The following PCID2 variants were observed in gnomAD, a reference collection of about 807,000 sequenced individuals.
PCID2 encodes PCI domain containing 2, also known as PCI domain-containing protein 2.
A neutral mutation model predicts 61.3 loss-of-function variants in PCID2; 41 were observed. The ratio of observed to expected loss-of-function variants is 0.67; its 90% CI spans 0.52 to 0.87. The LOEUF is 0.87. Among genes scored for constraint, PCID2 ranks in the 40% least tolerant of loss-of-function variants. The pLI is 0.00. For missense variants in PCID2, 392 were observed against 493.4 expected (o/e 0.79, Z 1.95); for synonymous variants, 187 against 177.8 (o/e 1.05, Z -0.41).
intron 7 of PCID2, among the ~76,000 whole-genome samples, chr13:113,189,236 C>A (rs2038388958): frequency 6.6e-6 from 1 of 152,140 alleles, no homozygotes; most frequent in Non-Finnish European, 1.5e-5. Context: ...GAGGCCTCAC[C>A]AGAAGCAGAT....
chr13:113,182,114 C>G (rs1456306088), intron 9 of PCID2, among the ~76,000 whole-genome samples: 2 of 152,178 alleles, frequency 1.3e-5, no homozygotes, highest in African/African-American at 4.8e-5. Context: ...TATAAGAGAA[C>G]AGAGATGCTC....
chr13:113,171,958 G>A, the PCID2 span: 3 of 1,613,484 alleles, frequency 1.9e-6, no homozygotes, highest in East Asian at 2.2e-5. This position sits in a 1 kb window ranked among gnomAD's most constrained non-coding sequence, Gnocchi z 5.1. Flanking sequence ...TGCACTGGAT[G>A]GATGGAAGTG....
chr13:113,181,590 A>G (rs1403668909), intron 9 of PCID2, among the ~76,000 whole-genome samples: 2 of 152,212 alleles, frequency 1.3e-5, no homozygotes, highest in African/African-American at 4.8e-5. Flanking sequence ...ATAAAGACAT[A>G]TTTAAAAATG....
the PCID2 span, among the ~76,000 whole-genome samples, chr13:113,166,763 G>A: frequency 3.3e-5 from 5 of 152,302 alleles, no homozygotes; most frequent in South Asian, 6.2e-4. Flanking sequence ...GCTGAGGGTC[G>A]GTACTTGGGA....
Position 113,208,597 on chromosome 13 carries a change from A to G in PCID2, c.36+2T>C, listed in dbSNP as rs1177575074. ...GCCGCGCGCTCCCCGGCTAGGACCC[A>G]CCTGCTGCAGGTACTGGTTAATGGT... On this transcript the variant is annotated splice_donor_variant, in intron 1 of 13. Transcript: ENST00000337344. LOFTEE classifies it high-confidence loss of function. 3 of 1,604,798 alleles carry G rather than the reference A, an allele frequency of 1.9e-6. No individual in the cohort carries two copies. In the South Asian group the frequency reaches 3.3e-5, roughly 18 times the overall value.
Position 113,179,825 on chromosome 13 carries a change from T to C in PCID2, c.986+92A>G. 7.8e-7 allele frequency: 1 copy of C among 1,282,872 alleles called. No individual in the cohort carries two copies. Among genetic ancestry groups the C allele is most frequent in the Non-Finnish European group, 1.1e-6 (1 of 922,130 alleles). The allele number at this position is 1,282,872 out of a possible 1,614,324, so 79.5% of individuals were successfully genotyped here. The stretch of plus-strand genomic sequence containing the variant: ...GAAGATAACGACCCCACCCACACGG[T>C]GGCCTTCTCTCTTAGACTGCAACAG... On this transcript the variant is annotated intron_variant, in intron 12 of 13. Transcript: ENST00000337344. The surrounding 1 kb of genome is among the most constrained non-coding windows in gnomAD (Gnocchi z 4.3).
At chr13:113,197,975 C>T (rs1305209165) in intron 3 of PCID2, among the ~76,000 whole-genome samples, 1 of 152,188 alleles carries the variant, frequency 6.6e-6, no homozygotes, top group East Asian at 1.9e-4. Flanking sequence ...ACTAAGCAGG[C>T]ACTCTGCTAA....
intron 3 of PCID2, 75 bp from the exon 4 acceptor site, chr13:113,197,318 C>T: frequency 1.9e-6 from 2 of 1,026,624 alleles, no homozygotes; most frequent in South Asian, 1.3e-5. Context: ...CAGCTCACTT[C>T]ATTGCACAGG....
the PCID2 span, chr13:113,172,322 G>C: frequency 1.7e-6 from 1 of 604,964 alleles, no homozygotes; most frequent in Non-Finnish European, 2.9e-6. Context: ...TCTCAATAGA[G>C]ACCTTAAAAG....
chr13:113,180,997 AT>A, intron 10 of PCID2, 132 bp downstream of exon 10: 1 of 621,390 alleles, frequency 1.6e-6, no homozygotes, highest in Non-Finnish European at 2.9e-6. Flanking sequence ...CGCCTTCTTT[AT>A]TTTGGGGTGT....
chr13:113,181,111 TGGA>T lies in PCID2; in HGVS notation c.786+16_786+18del. On this transcript the variant is annotated intron_variant, in intron 10 of 13. Transcript: ENST00000337344. ...GTGAAAGCACCAGGATCTATAAACA[TGGA>T]GTAATAATCACTCACCAATAGCATT... is the stretch of plus-strand genomic sequence containing the variant. 1 of 1,477,226 alleles carries T rather than the reference TGGA, an allele frequency of 6.8e-7. No homozygotes were observed. The highest frequency in any genetic ancestry group is 1.4e-5 in the African/African-American group (1 of 72,370). 91.5% of individuals were successfully genotyped at this position (1,477,226 alleles called of 1,614,324 possible).
At chr13:113,184,745 G>A (rs542631690) in intron 8 of PCID2, among the ~76,000 whole-genome samples, 7 of 151,794 alleles carry the variant, frequency 4.6e-5, no homozygotes, top group Non-Finnish European at 5.9e-5. Context: ...TCCAGGGGGC[G>A]CAGCCCTGCA....
the PCID2 span, chr13:113,171,746 A>G: frequency 6.2e-7 from 1 of 1,611,998 alleles, no homozygotes; most frequent in Admixed American, 1.7e-5. The surrounding 1 kb of genome is among the most constrained non-coding windows in gnomAD (Gnocchi z 5.1). Context: ...CCCCGTGTGC[A>G]CCCCTGAGAA....
At chr13:113,165,076 A>G in the PCID2 span, 1 of 1,613,050 alleles carries the variant, frequency 6.2e-7, no homozygotes, top group Non-Finnish European at 8.5e-7. Flanking sequence ...CGGGGTGCTG[A>G]CCTCTGAGAA....
intron 5 of PCID2, 108 bp from the exon 6 acceptor site, chr13:113,195,233 C>T (rs1460253844): frequency 8.1e-6 from 6 of 737,870 alleles, no homozygotes; most frequent in African/African-American, 1.8e-5. Flanking sequence ...GAATGGAGTC[C>T]GCACTTATCC....
chr13:113,207,386 G>C (rs1265794792), intron 1 of PCID2, among the ~76,000 whole-genome samples: 4 of 152,134 alleles, frequency 2.6e-5, no homozygotes, highest in Non-Finnish European at 4.4e-5. Context: ...AAAGATAATC[G>C]TATCAAATTG....
At chr13:113,181,685 T>G (rs1235268104) in intron 9 of PCID2, among the ~76,000 whole-genome samples, 1 of 152,238 alleles carries the variant, frequency 6.6e-6, no homozygotes, top group Non-Finnish European at 1.5e-5. Context: ...AACATATAAT[T>G]AGTGATCATA....
intron 1 of PCID2, among the ~76,000 whole-genome samples, chr13:113,204,403 G>A (rs142509190): frequency 1.2e-3 from 190 of 152,348 alleles, no homozygotes; most frequent in African/African-American, 4.4e-3. Context: ...CAGTGGTCAC[G>A]AAGGGATCAA....
chr13:113,194,674 C>T (rs1280997876), intron 6 of PCID2, among the ~76,000 whole-genome samples: 2 of 152,188 alleles, frequency 1.3e-5, no homozygotes, highest in African/African-American at 2.4e-5. Context: ...CTCCCTTCAC[C>T]CCAGGGAAGC....
Sources: gnomAD v4.1 joint callset for allele counts (sites outside exome capture counted in the v4.1 genomes callset) on GRCh38, gnomAD v4.1.1 for gene constraint, Gnocchi (gnomAD v3.1) non-coding constraint, MANE v1.5 for transcripts, NCBI Gene and HGNC (gene_info 2026-07-23, HGNC 2026-07-21) for gene names.